GRIK1: variants seen among roughly 807,000 people sequenced by gnomAD.
GRIK1 encodes the protein glutamate ionotropic receptor kainate type subunit 1.
In GRIK1, 69 loss-of-function variants were observed where a neutral mutation model predicts 105.7. That is an observed-to-expected ratio of 0.65 (90% CI 0.54 to 0.80). The LOEUF (loss-of-function observed/expected upper bound fraction) is 0.80, where lower values mean the gene tolerates loss of function less well. Ranked by LOEUF, GRIK1 falls within the 30% of genes least tolerant of loss-of-function variation. The probability of loss-of-function intolerance (pLI) is 0.00; values close to 1 mark genes in which losing one functional copy is unlikely to be tolerated. For synonymous variants in GRIK1, 438 were observed against 431.3 expected (o/e 1.02, Z -0.19); for missense variants, 1,109 against 1,167.3 (o/e 0.95, Z 0.73).
intron 3 of GRIK1, among the ~76,000 whole-genome samples, chr21:29,673,959 C>T (rs765741421): frequency 8.5e-5 from 13 of 152,106 alleles, no homozygotes; most frequent in Non-Finnish European, 1.3e-4. Context: ...CAAGGAAAGC[C>T]GCTGTGTAAA....
chr21:29,802,680 C>G (rs73897841), intron 1 of GRIK1, among the ~76,000 whole-genome samples: 2,668 of 152,254 alleles, frequency 0.018, 72 homozygotes, highest in African/African-American at 0.056. Flanking sequence ...GCCTCCATGT[C>G]TATACCAATC....
intron 1 of GRIK1, among the ~76,000 whole-genome samples, chr21:29,869,248 A>T (rs951290722): frequency 2.0e-5 from 3 of 152,154 alleles, no homozygotes; most frequent in African/African-American, 7.2e-5. Context: ...TTTATGGAGC[A>T]TATATTTCTA....
At chr21:29,673,309 A>C (rs1337513167) in intron 3 of GRIK1, 145 bp from the exon 4 acceptor site, 5 of 536,552 alleles carry the variant, frequency 9.3e-6, no homozygotes, top group South Asian at 2.8e-5. Context: ...CCCATTTGTC[A>C]CTCATCTTCC....
At chr21:29,783,762 A>G (rs2066186932) in intron 1 of GRIK1, among the ~76,000 whole-genome samples, 1 of 152,202 alleles carries the variant, frequency 6.6e-6, no homozygotes. Flanking sequence ...CCACACATTT[A>G]TTACTTAGGC....
At chr21:29,924,372 G>T (rs1459879373) in intron 1 of GRIK1, among the ~76,000 whole-genome samples, 2 of 151,582 alleles carry the variant, frequency 1.3e-5, no homozygotes, top group East Asian at 3.9e-4. Context: ...AAGAAGGTTA[G>T]ATGGAAGAAG....
intron 1 of GRIK1, among the ~76,000 whole-genome samples, chr21:29,928,660 A>G (rs1422312642): frequency 6.6e-6 from 1 of 152,196 alleles, no homozygotes; most frequent in Admixed American, 6.5e-5. Context: ...AGCACCAGCT[A>G]AGTGAGAGAC....
chr21:29,872,808 C>A (rs1017024064), intron 1 of GRIK1, among the ~76,000 whole-genome samples: 2 of 152,140 alleles, frequency 1.3e-5, no homozygotes, highest in Non-Finnish European at 2.9e-5. Context: ...TGGGAAGACC[C>A]ACCCCCATCA....
At chr21:29,913,907 G>T (rs2070906132) in intron 1 of GRIK1, among the ~76,000 whole-genome samples, 1 of 151,660 alleles carries the variant, frequency 6.6e-6, no homozygotes, top group Non-Finnish European at 1.5e-5. Flanking sequence ...TCAGTACTTA[G>T]GATATACACT....
At chr21:29,615,403 A>G (rs2061827081) in intron 7 of GRIK1, among the ~76,000 whole-genome samples, 1 of 152,000 alleles carries the variant, frequency 6.6e-6, no homozygotes, top group African/African-American at 2.4e-5. Context: ...TCTGCCTCCC[A>G]GGTTCAAGTG....
chr21:29,539,232 TTG>T (rs2034599631), intron 16 of GRIK1, among the ~76,000 whole-genome samples: 1 of 152,154 alleles, frequency 6.6e-6, no homozygotes, highest in South Asian at 2.1e-4. Context: ...TACTATGGGG[TTG>T]TGTCTCAATA....
At chr21:29,629,217 T>TGTGTGTGTGTGTGTGG (rs1555853098) in intron 7 of GRIK1, among the ~76,000 whole-genome samples, 6 of 148,836 alleles carry the variant, frequency 4.0e-5, no homozygotes, top group African/African-American at 1.3e-4. Flanking sequence ...TGTGTGTGTG[T>TGTGTGTGTGTGTGTGG]GTGTGTGTGT....
chr21:29,906,395 T>C (rs1235093639), intron 1 of GRIK1, among the ~76,000 whole-genome samples: 1 of 152,212 alleles, frequency 6.6e-6, no homozygotes, highest in Non-Finnish European at 1.5e-5. Flanking sequence ...ACTTCAAGCT[T>C]CAGAAAAATA....
At chr21:29,569,030 G>A (rs1349816839) in intron 14 of GRIK1, among the ~76,000 whole-genome samples, 1 of 152,160 alleles carries the variant, frequency 6.6e-6, no homozygotes, top group Non-Finnish European at 1.5e-5. Context: ...GCTCAAGAAG[G>A]GCCTCCAAGG....
chr21:29,759,464 G>T (rs924730210), intron 1 of GRIK1, among the ~76,000 whole-genome samples: 1 of 152,154 alleles, frequency 6.6e-6, no homozygotes, highest in Non-Finnish European at 1.5e-5. Flanking sequence ...TGTTGTTAGG[G>T]TTAGTTAAAC....
At chr21:29,680,144 A>G (rs888728499) in intron 3 of GRIK1, among the ~76,000 whole-genome samples, 9 of 152,206 alleles carry the variant, frequency 5.9e-5, no homozygotes, top group African/African-American at 2.2e-4. Context: ...AGACATCTTA[A>G]AGTAGTAGTG....
At chr21:29,582,382 T>A (rs2091041035) in intron 12 of GRIK1, 1 of 466,866 alleles carries the variant, frequency 2.1e-6, no homozygotes, top group East Asian at 7.0e-5. Context: ...AGCATTATTA[T>A]AGGTCTACCT....
At chr21:29,727,792 A>C (rs1375105099) in intron 1 of GRIK1, among the ~76,000 whole-genome samples, 2 of 152,200 alleles carry the variant, frequency 1.3e-5, no homozygotes, top group Admixed American at 6.5e-5. Flanking sequence ...TAAATTTATG[A>C]TGAGGGATTG....
intron 5 of GRIK1, among the ~76,000 whole-genome samples, chr21:29,652,875 G>T (rs1018426379): frequency 1.3e-5 from 2 of 152,176 alleles, no homozygotes; most frequent in African/African-American, 2.4e-5. Flanking sequence ...ATTTGCGGAA[G>T]ATGCATACAA....
intron 15 of GRIK1, among the ~76,000 whole-genome samples, chr21:29,558,607 A>G (rs1272181457): frequency 6.6e-6 from 1 of 151,698 alleles, no homozygotes; most frequent in Non-Finnish European, 1.5e-5. Context: ...ATTTCTTTTC[A>G]TCTAGGAAGT....
Sources: gnomAD v4.1 joint callset for allele counts (sites outside exome capture counted in the v4.1 genomes callset) on GRCh38, gnomAD v4.1.1 for gene constraint, MANE v1.5 for transcripts, NCBI Gene and HGNC (gene_info 2026-07-23, HGNC 2026-07-21) for gene names.